Variants in RSRC1 observed in about 807,000 individuals in gnomAD.
RSRC1 encodes serine/Arginine-related protein 53.
RSRC1 carries 39 observed loss-of-function variants against 49.1 expected under a neutral mutation model. The observed-to-expected ratio is 0.79, with a 90% CI of 0.61 to 1.04. The LOEUF (loss-of-function observed/expected upper bound fraction) is 1.04, where lower values mean the gene tolerates loss of function less well. RSRC1 is among the 50% of genes least tolerant of loss of function. The pLI is 0.00. For missense variants in RSRC1, 388 were observed against 402.4 expected (o/e 0.96, Z 0.31); for synonymous variants, 143 against 130.8 (o/e 1.09, Z -0.63).
chr3:158,439,296 C>T (rs1736241969), intron 6 of RSRC1, among the ~76,000 whole-genome samples: 1 of 152,082 alleles, frequency 6.6e-6, no homozygotes, highest in Admixed American at 6.5e-5. Context: ...CCATTTGACC[C>T]AGCAATCCCA....
intron 3 of RSRC1, among the ~76,000 whole-genome samples, chr3:158,161,730 C>G (rs1718230756): frequency 6.6e-6 from 1 of 152,286 alleles, no homozygotes; most frequent in South Asian, 2.1e-4. Flanking sequence ...CCACTGCACT[C>G]CAGTCTGGGT....
chr3:158,526,265 T>C (rs926704259), intron 7 of RSRC1, among the ~76,000 whole-genome samples: 6 of 151,976 alleles, frequency 3.9e-5, no homozygotes, highest in Non-Finnish European at 5.9e-5. Context: ...AAATCATAAC[T>C]ATTAATCATG....
chr3:158,399,966 T>C (rs1169555048), intron 6 of RSRC1, among the ~76,000 whole-genome samples: 1 of 152,126 alleles, frequency 6.6e-6, no homozygotes, highest in Non-Finnish European at 1.5e-5. Context: ...AGTGAAAACA[T>C]TGATAAAGGA....
At chr3:158,235,882 C>T (rs781225618) in intron 4 of RSRC1, among the ~76,000 whole-genome samples, 1 of 152,102 alleles carries the variant, frequency 6.6e-6, no homozygotes, top group Non-Finnish European at 1.5e-5. Flanking sequence ...CTTTGGGAGG[C>T]CAAGGTAGGT....
At chr3:158,190,944 T>A (rs922232627) in intron 3 of RSRC1, among the ~76,000 whole-genome samples, 1 of 151,950 alleles carries the variant, frequency 6.6e-6, no homozygotes, top group African/African-American at 2.4e-5. Flanking sequence ...AGAAATAGGG[T>A]CTTGCTCTGT....
intron 7 of RSRC1, among the ~76,000 whole-genome samples, chr3:158,515,509 T>A (rs1259788944): frequency 7.3e-6 from 1 of 137,092 alleles, no homozygotes; most frequent in East Asian, 2.0e-4. Flanking sequence ...TAACCCGACC[T>A]TTCTCTCTGG....
chr3:158,291,122 G>A (rs1007004039), intron 4 of RSRC1, among the ~76,000 whole-genome samples: 2 of 152,124 alleles, frequency 1.3e-5, no homozygotes, highest in African/African-American at 4.8e-5. Flanking sequence ...GGCCACTTGG[G>A]CCCAGGAGTT....
chr3:158,339,838 G>A (rs2108212291), intron 5 of RSRC1, among the ~76,000 whole-genome samples: 1 of 152,322 alleles, frequency 6.6e-6, no homozygotes, highest in East Asian at 1.9e-4. Context: ...AATGATAAGT[G>A]TGCTGATACA....
chr3:158,230,777 C>T (rs1007610499), intron 4 of RSRC1, among the ~76,000 whole-genome samples: 5 of 152,078 alleles, frequency 3.3e-5, no homozygotes, highest in East Asian at 1.9e-4. Context: ...TTTTTATTAC[C>T]GCTCTTCCAT....
chr3:158,502,332 C>T (rs1324826959), intron 7 of RSRC1, among the ~76,000 whole-genome samples: 3 of 151,838 alleles, frequency 2.0e-5, no homozygotes, highest in Non-Finnish European at 4.4e-5. Context: ...AACCTGATGA[C>T]AATGTGCCTA....
intron 6 of RSRC1, among the ~76,000 whole-genome samples, chr3:158,362,406 T>G (rs1731528540): frequency 6.6e-6 from 1 of 152,182 alleles, no homozygotes; most frequent in Non-Finnish European, 1.5e-5. Context: ...ATACCTATAG[T>G]AGTACTACAT....
chr3:158,423,165 G>A (rs1031783840), intron 6 of RSRC1, among the ~76,000 whole-genome samples: 2 of 152,022 alleles, frequency 1.3e-5, no homozygotes, highest in Non-Finnish European at 2.9e-5. Context: ...CCTATGTCCT[G>A]AATGGTAATG....
At chr3:158,403,481 G>C (rs1325147462) in intron 6 of RSRC1, among the ~76,000 whole-genome samples, 2 of 151,618 alleles carry the variant, frequency 1.3e-5, no homozygotes, top group Non-Finnish European at 3.0e-5. Context: ...AGTGAATTCT[G>C]TAAGGATAAA....
intron 6 of RSRC1, among the ~76,000 whole-genome samples, chr3:158,403,733 A>AT (rs1367581465): frequency 6.6e-6 from 1 of 151,826 alleles, no homozygotes; most frequent in East Asian, 1.9e-4. Flanking sequence ...ACTAGCATTG[A>AT]TTATTAATAA....
chr3:158,172,581 G>A (rs1183410431), intron 3 of RSRC1, among the ~76,000 whole-genome samples: 1 of 152,070 alleles, frequency 6.6e-6, no homozygotes, highest in Admixed American at 6.6e-5. Flanking sequence ...TGATTTAGTT[G>A]ACCCTTCTAG....
chr3:158,499,218 A>G (rs1199329223), intron 7 of RSRC1, among the ~76,000 whole-genome samples: 2 of 152,112 alleles, frequency 1.3e-5, no homozygotes, highest in Admixed American at 6.5e-5. Flanking sequence ...TCTACTAAAA[A>G]TACAAAAAAT....
chr3:158,300,074 A>T (rs1007989842), intron 5 of RSRC1, among the ~76,000 whole-genome samples: 1 of 152,174 alleles, frequency 6.6e-6, no homozygotes, highest in Non-Finnish European at 1.5e-5. Flanking sequence ...CCTATTTTTG[A>T]CACTAAGTTA....
At chr3:158,543,082 T>C (rs1713130574) in intron 8 of RSRC1, among the ~76,000 whole-genome samples, 1 of 152,140 alleles carries the variant, frequency 6.6e-6, no homozygotes, top group African/African-American at 2.4e-5. Context: ...AAATACAATA[T>C]AGTTATTCCT....
At chr3:158,409,627 AGACT>A (rs1469012368) in intron 6 of RSRC1, among the ~76,000 whole-genome samples, 2 of 152,148 alleles carry the variant, frequency 1.3e-5, no homozygotes, top group Non-Finnish European at 2.9e-5. Context: ...CCATCCTAGA[AGACT>A]GACTGGCACA....
Sources: allele counts gnomAD v4.1 joint callset (sites outside exome capture counted in the v4.1 genomes callset), GRCh38; gene constraint gnomAD v4.1.1; transcripts MANE v1.5; gene names NCBI Gene and HGNC (gene_info 2026-07-23, HGNC 2026-07-21).